The following ESR1 variants were observed in gnomAD, a reference collection of about 807,000 sequenced individuals.
The protein encoded by ESR1 is estrogen receptor 1.
Under a neutral mutation model 52.7 loss-of-function variants are expected in ESR1, and 12 were observed. The ratio of observed to expected loss-of-function variants is 0.23; its 90% confidence interval spans 0.15 to 0.37. The LOEUF is 0.37. ESR1 is among the 10% of genes least tolerant of loss of function. The pLI is 1.00. For missense variants in ESR1, 584 were observed against 779.7 expected (o/e 0.75, Z 2.99); for synonymous variants, 305 against 316.8 (o/e 0.96, Z 0.39).
intron 5 of ESR1, among the ~76,000 whole-genome samples, chr6:152,032,610 A>G (rs537542428): frequency 6.6e-6 from 1 of 152,314 alleles, no homozygotes; most frequent in East Asian, 1.9e-4. Context: ...TTCAAGGAGA[A>G]CTACAAACCA....
Position 152,100,311 on chromosome 6 carries a change from C to T in ESR1, c.*1345C>T, listed in dbSNP as rs928267570. ...AGGGTGGGGACCGTTGCTGTCACTA[C>T]TCAGGCTGACTGGGGCCTGGTCAGA... On this transcript the variant is annotated 3_prime_UTR_variant, in exon 8 of 8. Coordinates refer to ENST00000206249, the MANE Select transcript of ESR1 (RefSeq NM_000125.4). 2 of 386,564 alleles carry T rather than the reference C, an allele frequency of 5.2e-6. No individual in the cohort carries two copies. The highest frequency in any genetic ancestry group is 6.6e-4 in the Middle Eastern group (1 of 1,518). 23.9% of individuals were successfully genotyped at this position (386,564 alleles called of 1,614,324 possible).
At chr6:151,853,929 A>G (rs1787350266) in intron 2 of ESR1, among the ~76,000 whole-genome samples, 1 of 152,202 alleles carries the variant, frequency 6.6e-6, no homozygotes, top group Admixed American at 6.5e-5. Flanking sequence ...CATAAAAATT[A>G]TAGATAGGTT....
intron 3 of ESR1, among the ~76,000 whole-genome samples, chr6:151,914,090 C>T (rs1798678633): frequency 6.6e-6 from 1 of 151,770 alleles, no homozygotes; most frequent in Admixed American, 6.6e-5. Flanking sequence ...CTATCATTTC[C>T]TTATGTCTGT....
chr6:151,991,545 T>G (rs750398529), intron 4 of ESR1, among the ~76,000 whole-genome samples: 5 of 151,238 alleles, frequency 3.3e-5, no homozygotes, highest in Non-Finnish European at 5.9e-5. Context: ...GGCAGAGAAA[T>G]GAGAGTTTAG....
At chr6:151,887,509 C>T (rs150919775) in intron 3 of ESR1, among the ~76,000 whole-genome samples, 24 of 152,002 alleles carry the variant, frequency 1.6e-4, no homozygotes, top group Admixed American at 3.3e-4. Context: ...AGAAGCAGAT[C>T]GTCATCTATG....
At chr6:151,899,322 C>T (rs1215104370) in intron 3 of ESR1, among the ~76,000 whole-genome samples, 1 of 127,252 alleles carries the variant, frequency 7.9e-6, no homozygotes, top group Non-Finnish European at 1.7e-5. Flanking sequence ...ACCTCCCTCC[C>T]GGACGGGGCG....
chr6:152,049,510 A>G (rs985156601), intron 5 of ESR1, among the ~76,000 whole-genome samples: 1 of 152,214 alleles, frequency 6.6e-6, no homozygotes, highest in African/African-American at 2.4e-5. Context: ...CATCTTTTCC[A>G]TAGGCCAATT....
intron 4 of ESR1, among the ~76,000 whole-genome samples, chr6:151,971,537 T>G (rs2347872): frequency 6.6e-6 from 1 of 152,002 alleles, no homozygotes; most frequent in Admixed American, 6.6e-5. Flanking sequence ...GGAAACAAAA[T>G]AGCCTGCTCC....
chr6:151,708,043 C>T (rs969765975), intron 2 of ESR1, among the ~76,000 whole-genome samples: 5 of 152,072 alleles, frequency 3.3e-5, no homozygotes, highest in African/African-American at 1.2e-4. Context: ...CAGAAACCAA[C>T]AAATACAGGT....
intron 6 of ESR1, among the ~76,000 whole-genome samples, chr6:152,110,085 C>T (rs574189005): frequency 6.8e-4 from 104 of 152,278 alleles, no homozygotes; most frequent in African/African-American, 2.4e-3. Flanking sequence ...GATGAAGAAA[C>T]TGAAGCCTAA....
intron 6 of ESR1, among the ~76,000 whole-genome samples, chr6:152,114,812 A>G (rs1425425708): frequency 2.1e-5 from 3 of 139,710 alleles, no homozygotes; most frequent in Middle Eastern, 3.6e-3. Context: ...AATGGCGTGA[A>G]CCCGGGAGGC....
chr6:151,744,272 A>T (rs1478828776), intron 2 of ESR1, among the ~76,000 whole-genome samples: 2 of 152,106 alleles, frequency 1.3e-5, no homozygotes, highest in Admixed American at 1.3e-4. Context: ...TGCTAACTGT[A>T]TTTATCTAAC....
chr6:151,659,048 T>A (rs971122528), intron 1 of ESR1, among the ~76,000 whole-genome samples: 5 of 152,174 alleles, frequency 3.3e-5, no homozygotes, highest in Admixed American at 3.3e-4. Flanking sequence ...AGTTTCGATC[T>A]TGTTGCCCAG....
At chr6:152,093,659 G>A (rs1276419229) in intron 6 of ESR1, among the ~76,000 whole-genome samples, 4 of 152,132 alleles carry the variant, frequency 2.6e-5, no homozygotes, top group East Asian at 3.9e-4. Flanking sequence ...GAAAATAGGC[G>A]AGAGAGGAAA....
At chr6:151,983,108 C>T (rs983596261) in intron 4 of ESR1, among the ~76,000 whole-genome samples, 1 of 152,052 alleles carries the variant, frequency 6.6e-6, no homozygotes, top group African/African-American at 2.4e-5. Context: ...CGCAGGTGGC[C>T]AGTGGCTATC....
intron 1 of ESR1, among the ~76,000 whole-genome samples, chr6:151,699,782 TG>T (rs1779630241): frequency 6.6e-6 from 1 of 152,208 alleles, no homozygotes; most frequent in Non-Finnish European, 1.5e-5. Flanking sequence ...TCCTGAGTTC[TG>T]AGAGATCAAA....
intron 6 of ESR1, among the ~76,000 whole-genome samples, chr6:152,068,755 G>C (rs2048164840): frequency 6.6e-6 from 1 of 152,144 alleles, no homozygotes; most frequent in Admixed American, 6.5e-5. Context: ...ATCGACAATT[G>C]AATTTCCACT....
chr6:151,762,149 C>T lies in ESR1; in HGVS notation c.-70-45694C>T, dbSNP rs965955610. Reference sequence around the variant, plus strand: ...CTAAGGTTGACAACACTTCTAACACCGCTTTCAGGTGAAAAAGAACTATCA... The same window carrying T: ...CTAAGGTTGACAACACTTCTAACACTGCTTTCAGGTGAAAAAGAACTATCA... On this transcript the variant is annotated intron_variant, in intron 2 of 2. Transcript: ENST00000404742. Among the ~76,000 whole-genome samples the T allele has an allele frequency of 4.6e-5, 7 of 152,154 alleles. No homozygotes were observed. The East Asian group carries it at 5.8e-4, about 13-fold the overall frequency.
chr6:151,794,693 A>G (rs1346351807), intron 2 of ESR1, among the ~76,000 whole-genome samples: 12 of 152,172 alleles, frequency 7.9e-5, no homozygotes, highest in Admixed American at 6.5e-4. Context: ...GCATTGCAAC[A>G]ATTCATTTCC....
Sources: gnomAD v4.1 joint callset for allele counts (sites outside exome capture counted in the v4.1 genomes callset) on GRCh38, gnomAD v4.1.1 for gene constraint, MANE v1.5 for transcripts, NCBI Gene and HGNC (gene_info 2026-07-23, HGNC 2026-07-21) for gene names.